Variants in DDX20 observed in about 807,000 individuals in gnomAD.
DDX20 encodes the protein probable ATP-dependent RNA helicase DDX20.
In DDX20, 61 loss-of-function variants were observed where a neutral mutation model predicts 76.4. The ratio of observed to expected loss-of-function variants is 0.80; its 90% CI spans 0.65 to 0.99. The LOEUF is 0.99. Among genes scored for constraint, DDX20 ranks in the 50% least tolerant of loss-of-function variants. The probability of loss-of-function intolerance (pLI) is 0.00; values close to 1 mark genes in which losing one functional copy is unlikely to be tolerated. For synonymous variants in DDX20, 357 were observed against 357.4 expected, an observed-to-expected ratio of 1.00 and a Z score of 0.01; for missense variants, 976 against 996.8, an observed-to-expected ratio of 0.98 and a Z score of 0.28.
At position 111,756,013 on chromosome 1, in the gene DDX20, C is replaced by T. The variant is rs761336072; in HGVS notation, c.89C>T (p.Pro30Leu). 4 of 1,609,120 alleles carry T rather than the reference C, an allele frequency of 2.5e-6. No homozygotes were observed. The highest frequency in any genetic ancestry group is 3.4e-6 in the Non-Finnish European group (4 of 1,177,812). ...CATGTGGCCGTGCAGGTCCCGGCCC[C>T]AGAGCCAACACCCGGGCCTGTGAGG... ...AEHVAVQVPA[P>L]EPTPGPVRIL... The change falls in exon 1 of 11, where the codon CCA becomes CTA. Residue 30 changes from proline to leucine, a missense_variant. This residue lies in a region of DDX20 where 343 missense variants were observed against 286.4 expected (regional missense o/e 1.20). Coordinates refer to ENST00000369702, the MANE Select transcript of DDX20 (RefSeq NM_007204.5).
In DDX20 at chr1:111,756,167, C is replaced by T; in HGVS notation, c.243C>T (p.Gly81=). The T allele has an allele frequency of 1.3e-6, 2 of 1,546,248 alleles. No individual in the cohort carries two copies. Among genetic ancestry groups the T allele is most frequent in the Non-Finnish European group, 1.7e-6 (2 of 1,153,828 alleles). Residue 81 remains glycine (G), a synonymous_variant, in exon 1 of 11, where the codon GGC becomes GGT. Transcript: ENST00000369702. ...RPVLEGLRAA[G]FERPSPVQLK... ...TGCTGGAGGGGCTGCGGGCGGCCGG[C>T]TTCGAGAGGCCCTCGCCGGTGCAGC...
intron 8 of DDX20, 23 bp downstream of exon 8, chr1:111,762,360 G>T: frequency 1.9e-6 from 3 of 1,567,306 alleles, no homozygotes; most frequent in Non-Finnish European, 2.6e-6. Context: ...TTCAGTTTGG[G>T]TGACTAATCC....
Position 111,756,237 on chromosome 1 carries a change from G to T in DDX20, c.301+12G>T. 7.1e-7 allele frequency: 1 copy of T among 1,410,006 alleles called. No homozygotes were observed. Among genetic ancestry groups the T allele is most frequent in the East Asian group, 2.8e-5 (1 of 35,442 alleles). The allele number at this position is 1,410,006 out of a possible 1,614,324, so 87.3% of individuals were successfully genotyped here. A position where few individuals can be genotyped will look rare whatever the true frequency, so the allele number is the denominator to read the frequency against. On this transcript the variant is annotated intron_variant, in intron 1 of 10. Transcript: ENST00000369702. Reference sequence around the variant, plus strand: ...GCGCTGCGGGCTCGGTGAGAGCGGGGGCCCGGGATAGGTCGGGGGGTGGGG... The same window carrying T: ...GCGCTGCGGGCTCGGTGAGAGCGGGTGCCCGGGATAGGTCGGGGGGTGGGG...
At chr1:111,763,378 C>A (rs1249372131) in intron 10 of DDX20, among the ~76,000 whole-genome samples, 1 of 152,066 alleles carries the variant, frequency 6.6e-6, no homozygotes, top group Non-Finnish European at 1.5e-5. Context: ...TCAAGACGAG[C>A]CTGGTCAATG....
In DDX20 at chr1:111,759,302, T is replaced by A. The variant is rs1291762445; in HGVS notation, c.397-98T>A. 6.5e-6 allele frequency: 6 copies of A among 921,766 alleles called. No homozygotes were observed. The Admixed American group carries it at 9.3e-5, about 14-fold the overall frequency. 57.1% of individuals were successfully genotyped at this position (921,766 alleles called of 1,614,324 possible). A position where few individuals can be genotyped will look rare whatever the true frequency, so the allele number is the denominator to read the frequency against. ...ATCAATAAAAACTCATTTGAAATGATCATTTAAATGAAATATAGTGTGTCA... is the reference window on the plus strand; with the variant it reads ...ATCAATAAAAACTCATTTGAAATGAACATTTAAATGAAATATAGTGTGTCA... On this transcript the variant is annotated intron_variant, in intron 2 of 10. Transcript: ENST00000369702.
chr1:111,761,029 C>T lies in DDX20; in HGVS notation c.866C>T (p.Ala289Val). ...YYKVVNSYPL[A>V]HKVFEEKTQH... ...AAAGTTGTCAATTCATACCCTTTGG[C>T]ACATAAGGTTTTTGAGGAAAAGACT... Residue 289 changes from alanine to valine, a missense_variant, in exon 6 of 11, where the codon GCA (alanine) becomes GTA (valine). Coordinates refer to ENST00000369702, the MANE Select transcript of DDX20 (RefSeq NM_007204.5). 1 of 1,613,926 alleles carries T rather than the reference C, an allele frequency of 6.2e-7. No homozygotes were observed.
intron 3 of DDX20, 61 bp from the exon 4 acceptor site, chr1:111,760,413 T>C: frequency 8.7e-7 from 1 of 1,155,292 alleles, no homozygotes; most frequent in Non-Finnish European, 1.3e-6. Context: ...GTAACAATAT[T>C]GGCTGAGATT....
intron 10 of DDX20, among the ~76,000 whole-genome samples, chr1:111,763,617 T>G (rs2101423423): frequency 6.6e-6 from 1 of 152,146 alleles, no homozygotes; most frequent in African/African-American, 2.4e-5. Context: ...GTTAGCTCTA[T>G]TTTATTAGTT....
chr1:111,756,253 G>A (rs12741924), intron 1 of DDX20, 28 bp downstream of exon 1: 2 of 1,377,658 alleles, frequency 1.5e-6, no homozygotes, highest in South Asian at 3.2e-5. Context: ...GGATAGGTCG[G>A]GGGGTGGGGT....
chr1:111,756,752 G>C lies in DDX20; in HGVS notation c.396+12G>C, dbSNP rs777518421. 6.3e-7 allele frequency: 1 copy of C among 1,599,100 alleles called. No homozygotes were observed. ...ACTTAAGTACCCAGGTGAGTTAGCT[G>C]AGAGGACCAGAGGAGGATGTGTTTT... On this transcript the variant is annotated intron_variant, in intron 2 of 10. Coordinates refer to ENST00000369702, the MANE Select transcript of DDX20 (RefSeq NM_007204.5).
intron 10 of DDX20, among the ~76,000 whole-genome samples, 161 bp from the exon 11 acceptor site, chr1:111,765,576 G>C (rs1482158764): frequency 1.3e-5 from 2 of 152,136 alleles, no homozygotes; most frequent in Non-Finnish European, 1.5e-5. Context: ...TTACAGGATT[G>C]CTTCAGTCTT....
intron 10 of DDX20, among the ~76,000 whole-genome samples, chr1:111,764,695 C>T (rs1663743523): frequency 6.6e-6 from 1 of 152,076 alleles, no homozygotes. Context: ...TAAAAATTGC[C>T]TTTGGATACT....
Position 111,766,784 on chromosome 1 carries a change from A to G in DDX20, c.2360A>G (p.Tyr787Cys). 1 of 1,614,160 alleles carries G rather than the reference A, an allele frequency of 6.2e-7. No individual in the cohort carries two copies. Among genetic ancestry groups the G allele is most frequent in the Non-Finnish European group, 8.5e-7 (1 of 1,179,992 alleles). ...WRAYYRAWQE[Y>C]YAAASHSYYW... ...GCTTACTACAGGGCATGGCAAGAAT[A>G]TTATGCTGCCGCTTCTCATTCATAT... The change falls in exon 11 of 11, where the codon TAT becomes TGT. Residue 787 changes from tyrosine (Y) to cysteine (C), a missense_variant. Coordinates refer to ENST00000369702, the MANE Select transcript of DDX20 (RefSeq NM_007204.5).
chr1:111,758,587 C>T lies in DDX20; in HGVS notation c.397-813C>T, dbSNP rs190991784. ...CACCAAGAACACTGCCATCTTATGG[C>T]CTTTCCATTTGCTGTTTCCTCTTGG... On this transcript the variant is annotated intron_variant, in intron 2 of 10. Coordinates refer to ENST00000369702, the MANE Select transcript of DDX20 (RefSeq NM_007204.5). Among the ~76,000 whole-genome samples, 50 of 152,128 alleles carry T rather than the reference C, an allele frequency of 3.3e-4. No individual in the cohort carries two copies. The East Asian group carries it at 9.7e-3, about 29-fold the overall frequency.
Position 111,760,455 on chromosome 1 carries a change from ATTTT to A in DDX20, c.566-10_566-7del. 1.8e-6 allele frequency: 2 copies of A among 1,138,092 alleles called. No homozygotes were observed. The highest frequency in any genetic ancestry group is 2.4e-6 in the Non-Finnish European group (2 of 822,610). The allele number at this position is 1,138,092 out of a possible 1,614,324, so 70.5% of individuals were successfully genotyped here. ...AATTTGGTACATCATAAATATTTCA[ATTTT>A]TTTTTTTTAATTAGGCAGAATTAAG... On this transcript the variant is annotated splice_polypyrimidine_tract_variant and intron_variant, in intron 3 of 10. Coordinates refer to ENST00000369702, the MANE Select transcript of DDX20 (RefSeq NM_007204.5).
intron 3 of DDX20, among the ~76,000 whole-genome samples, chr1:111,759,910 C>G (rs1663634670): frequency 7.0e-6 from 1 of 142,020 alleles, no homozygotes; most frequent in African/African-American, 2.6e-5. Context: ...GGAGGCGGAG[C>G]TTGCAGTGAG....
At chr1:111,761,419 T>A (rs1663673042) in intron 7 of DDX20, 135 bp downstream of exon 7, 1 of 651,752 alleles carries the variant, frequency 1.5e-6, no homozygotes, top group Non-Finnish European at 2.5e-6. Context: ...TAAAGGAATT[T>A]TCAGGCTTAT....
chr1:111,763,601 A>C (rs1663719329), intron 10 of DDX20, among the ~76,000 whole-genome samples: 2 of 150,806 alleles, frequency 1.3e-5, no homozygotes, highest in East Asian at 1.9e-4. Flanking sequence ...GAAAAATGAG[A>C]GCTATGTTAG....
intron 9 of DDX20, 61 bp downstream of exon 9, chr1:111,762,843 G>A (rs2101422419): frequency 6.4e-7 from 1 of 1,554,288 alleles, no homozygotes; most frequent in Non-Finnish European, 8.8e-7. Context: ...TAATGTGACA[G>A]GTGGGCTTTG....
Sources: gnomAD v4.1 joint callset for allele counts (sites outside exome capture counted in the v4.1 genomes callset) on GRCh38, gnomAD v4.1.1 for gene constraint, gnomAD v4.1.1 regional missense constraint, MANE v1.5 for transcripts, NCBI Gene and HGNC (gene_info 2026-07-23, HGNC 2026-07-21) for gene names.